Variants in LINGO1 observed in about 807,000 individuals in gnomAD.
LINGO1 encodes the protein leucine rich repeat and Ig domain containing 1, also known as leucine-rich repeat and immunoglobulin-like domain-containing nogo receptor-interacting protein 1.
LINGO1 carries 11 observed loss-of-function variants against 37.3 expected under a neutral mutation model. That is an observed-to-expected ratio of 0.29 (90% confidence interval 0.19 to 0.49). The LOEUF (loss-of-function observed/expected upper bound fraction) is 0.49. LINGO1 is among the 20% of genes least tolerant of loss of function. The pLI, the probability that LINGO1 is intolerant of heterozygous loss-of-function variation, is 0.99. For missense variants in LINGO1, 585 were observed against 878.2 expected, an observed-to-expected ratio of 0.67 and a Z score of 4.22; for synonymous variants, 387 against 403.0, an observed-to-expected ratio of 0.96 and a Z score of 0.48.
chr15:77,750,785 C>T (rs2076363261), intron 1 of LINGO1, among the ~76,000 whole-genome samples: 1 of 152,138 alleles, frequency 6.6e-6, no homozygotes, highest in South Asian at 2.1e-4. Context: ...TCATTTAATC[C>T]ACACAATGAC....
intron 1 of LINGO1, among the ~76,000 whole-genome samples, chr15:77,816,014 G>A (rs956929413): frequency 2.0e-5 from 3 of 152,064 alleles, no homozygotes; most frequent in East Asian, 1.9e-4. Flanking sequence ...ACTCACGTTC[G>A]CATTCTCCAT....
At chr15:77,705,076 C>T (rs1596135218) in intron 2 of LINGO1, among the ~76,000 whole-genome samples, 1 of 151,964 alleles carries the variant, frequency 6.6e-6, no homozygotes, top group Non-Finnish European at 1.5e-5. Flanking sequence ...GCACGGGGAA[C>T]CTGTGGGCCC....
At chr15:77,779,852 G>A (rs900552965) in intron 1 of LINGO1, among the ~76,000 whole-genome samples, 1 of 152,164 alleles carries the variant, frequency 6.6e-6, no homozygotes, top group Non-Finnish European at 1.5e-5. Context: ...ACTAGGAGGT[G>A]CTCGATAATA....
chr15:77,664,177 G>A (rs1344415367), intron 3 of LINGO1, among the ~76,000 whole-genome samples: 3 of 151,712 alleles, frequency 2.0e-5, no homozygotes, highest in African/African-American at 4.8e-5. Context: ...GTGTGCGCGC[G>A]CGCATGCGTT....
chr15:77,656,819 G>A (rs962727256), intron 3 of LINGO1, among the ~76,000 whole-genome samples: 1 of 152,194 alleles, frequency 6.6e-6, no homozygotes, highest in Admixed American at 6.5e-5. Flanking sequence ...GGAGGGATGG[G>A]GAAAACAGGA....
At chr15:77,730,075 G>A (rs1465195017) in intron 2 of LINGO1, among the ~76,000 whole-genome samples, 1 of 151,968 alleles carries the variant, frequency 6.6e-6, no homozygotes, top group African/African-American at 2.4e-5. Context: ...TGGGAGCGTT[G>A]TGGGGGGAGT....
chr15:77,725,603 C>A (rs1431194568), intron 2 of LINGO1, among the ~76,000 whole-genome samples: 1 of 152,100 alleles, frequency 6.6e-6, no homozygotes, highest in Non-Finnish European at 1.5e-5. Context: ...TCTTGTTTAA[C>A]CCTCACAACT....
At chr15:77,631,453 A>G (rs1309400401) in intron 1 of LINGO1, among the ~76,000 whole-genome samples, 1 of 152,204 alleles carries the variant, frequency 6.6e-6, no homozygotes, top group Admixed American at 6.5e-5. Flanking sequence ...CCCAGCAGGA[A>G]CCGGGAGGGG....
intron 3 of LINGO1, among the ~76,000 whole-genome samples, chr15:77,644,808 C>A (rs2074588106): frequency 1.3e-5 from 2 of 152,130 alleles, no homozygotes; most frequent in South Asian, 4.2e-4. Context: ...GGAGCCAGGA[C>A]CAGCGGCCAG....
intron 3 of LINGO1, among the ~76,000 whole-genome samples, chr15:77,652,531 T>TGTGTGTGTGTGTGTGTGTGTGTGTG (rs55988808): frequency 7.1e-6 from 1 of 141,438 alleles, no homozygotes; most frequent in African/African-American, 2.9e-5. Context: ...TGTGTGTGTG[T>TGTGTGTGTGTGTGTGTGTGTGTGTG]TGCCAGAATA....
chr15:77,628,675 C>T (rs531903962), intron 1 of LINGO1, among the ~76,000 whole-genome samples: 51 of 152,240 alleles, frequency 3.3e-4, no homozygotes, highest in African/African-American at 1.2e-3. Context: ...AGTAGGGTAA[C>T]AGTGTTCATT....
At chr15:77,624,874 C>G (rs905484583) in intron 1 of LINGO1, among the ~76,000 whole-genome samples, 1 of 152,156 alleles carries the variant, frequency 6.6e-6, no homozygotes, top group Non-Finnish European at 1.5e-5. Flanking sequence ...AAGGACAACC[C>G]CAGTCCTGCA....
chr15:77,622,624 T>G (rs937056149), intron 1 of LINGO1, among the ~76,000 whole-genome samples: 1 of 152,102 alleles, frequency 6.6e-6, no homozygotes, highest in East Asian at 1.9e-4. Flanking sequence ...TCAGCTTCAG[T>G]ATGCGGGATC....
At chr15:77,721,986 C>T (rs1432841697) in intron 2 of LINGO1, among the ~76,000 whole-genome samples, 8 of 152,136 alleles carry the variant, frequency 5.3e-5, no homozygotes, top group Admixed American at 4.6e-4. Context: ...CAAGTACCTG[C>T]TCACCTTCCG....
intron 1 of LINGO1, among the ~76,000 whole-genome samples, chr15:77,692,406 G>C (rs909088428): frequency 2.6e-5 from 4 of 152,200 alleles, no homozygotes; most frequent in African/African-American, 4.8e-5. Flanking sequence ...TGGAGGAGTG[G>C]AAACACGGAC....
chr15:77,638,130 C>T (rs1369568821), upstream of LINGO1, among the ~76,000 whole-genome samples: 1 of 152,218 alleles, frequency 6.6e-6, no homozygotes, highest in Non-Finnish European at 1.5e-5. Flanking sequence ...AGACAGAAGC[C>T]CTGGCAGAGA....
chr15:77,754,018 A>C (rs1324449346), intron 1 of LINGO1, among the ~76,000 whole-genome samples: 1 of 152,154 alleles, frequency 6.6e-6, no homozygotes, highest in Non-Finnish European at 1.5e-5. Context: ...GACAGAGAAG[A>C]CAAAGAAGGC....
chr15:77,699,274 C>G (rs954180999), upstream of LINGO1, among the ~76,000 whole-genome samples: 1 of 152,176 alleles, frequency 6.6e-6, no homozygotes, highest in African/African-American at 2.4e-5. Context: ...AGCCCAGACC[C>G]TGCACACAGT....
upstream of LINGO1, among the ~76,000 whole-genome samples, chr15:77,638,915 A>C (rs2074446527): frequency 6.6e-6 from 1 of 152,184 alleles, no homozygotes. Context: ...ATACGGCAGA[A>C]GTGACACAAT....
Sources: gnomAD v4.1 joint callset for allele counts (sites outside exome capture counted in the v4.1 genomes callset) on GRCh38, gnomAD v4.1.1 for gene constraint, MANE v1.5 for transcripts, NCBI Gene and HGNC (gene_info 2026-07-23, HGNC 2026-07-21) for gene names.